The following MME variants were observed in gnomAD, a reference collection of about 807,000 sequenced individuals.
MME encodes membrane metalloendopeptidase.
A neutral mutation model predicts 113.2 loss-of-function variants in MME; 98 were observed. The observed-to-expected ratio is 0.87, with a 90% CI of 0.74 to 1.02. MME has a LOEUF of 1.02. Ranked by LOEUF, MME falls within the 50% of genes least tolerant of loss-of-function variation. The pLI, the probability that MME is intolerant of heterozygous loss-of-function variation, is 0.00. For synonymous variants in MME, 292 were observed against 300.6 expected (o/e 0.97, Z 0.30); for missense variants, 836 against 896.0 (o/e 0.93, Z 0.86).
rs1426669121 is a variant in MME, at chr3:155,144,428, G to A, written c.1387G>A (p.Ala463Thr). 1 of 1,612,612 alleles carries A rather than the reference G, an allele frequency of 6.2e-7. No homozygotes were observed. Among genetic ancestry groups the A allele is most frequent in the Non-Finnish European group, 8.5e-7 (1 of 1,178,992 alleles). Residue 463 changes from alanine (A) to threonine (T), a missense_variant, in exon 14 of 23, where the codon GCC becomes ACC. Ala to Thr is a moderately conservative substitution (Grantham distance 58). Transcript: ENST00000360490. ...TTTAGATGACCTCACTTGGATGGAT[G>A]CCGAGACAAAAAAGAGAGCTGAAGA... Reference protein sequence around the residue: ...QTLDDLTWMDAETKKRAEEKA... With the variant: ...QTLDDLTWMDTETKKRAEEKA...
upstream of MME, among the ~76,000 whole-genome samples, chr3:155,078,659 A>ATGTGTGTGTG (rs5853711): frequency 4.7e-4 from 67 of 141,916 alleles, no homozygotes; most frequent in South Asian, 9.2e-4. Context: ...ATGTGTGTGT[A>ATGTGTGTGTG]TGTGTGTGTG....
intron 22 of MME, among the ~76,000 whole-genome samples, chr3:155,177,249 C>T (rs1016448754): frequency 2.0e-5 from 3 of 152,152 alleles, no homozygotes; most frequent in South Asian, 4.1e-4. Context: ...AAACATGCAG[C>T]TCTTCCAGTC....
At chr3:155,140,543 A>G (rs1262865754) in intron 10 of MME, among the ~76,000 whole-genome samples, 3 of 150,856 alleles carry the variant, frequency 2.0e-5, no homozygotes, top group East Asian at 3.9e-4. Context: ...CAGCCTCCCA[A>G]GTAGCTGGGA....
At chr3:155,044,130 T>TC (rs1195479607) in intron 1 of MME, among the ~76,000 whole-genome samples, 210 of 140,412 alleles carry the variant, frequency 1.5e-3, no homozygotes, top group African/African-American at 5.5e-3. Context: ...TTTTTCTTTT[T>TC]TTTTTTTTTT....
At position 155,070,769 on chromosome 3, in the gene MME, A is replaced by G. The variant is rs140242385; in HGVS notation, c.-10-13389A>G. Among the ~76,000 whole-genome samples, 287 of 152,260 alleles carry G rather than the reference A, an allele frequency of 1.9e-3. 1 individual carries two copies. Among genetic ancestry groups the G allele is most frequent in the African/African-American group, 6.6e-3 (274 of 41,544 alleles). On this transcript the variant is annotated intron_variant, in intron 1 of 22. Transcript: ENST00000492661. ...CACTCAGGAGTTGCTTAGAAGACGC[A>G]TTTCTTCACCTTGCTTGTCCTAGTT...
At chr3:155,033,646 G>T (rs576851856) in intron 1 of MME, among the ~76,000 whole-genome samples, 1 of 152,204 alleles carries the variant, frequency 6.6e-6, no homozygotes, top group Non-Finnish European at 1.5e-5. Context: ...GCTAAACATT[G>T]CTTCCTATTT....
intron 8 of MME, among the ~76,000 whole-genome samples, chr3:155,133,062 A>AAAAATATATATATATATATAT: frequency 1.3e-5 from 1 of 75,082 alleles, no homozygotes; most frequent in African/African-American, 6.6e-5. Context: ...AAAAAAAAAA[A>AAAAATATATATATATATATAT]ATATATATAT....
intron 8 of MME, among the ~76,000 whole-genome samples, chr3:155,132,645 TGA>T (rs1226108114): frequency 7.2e-5 from 11 of 152,220 alleles, no homozygotes; most frequent in Non-Finnish European, 1.3e-4. Context: ...CTGTCAAAAA[TGA>T]GAGCTGACTC....
chr3:155,141,655 T>C (rs1041880001), intron 10 of MME, among the ~76,000 whole-genome samples: 7 of 152,168 alleles, frequency 4.6e-5, no homozygotes, highest in Non-Finnish European at 7.4e-5. Flanking sequence ...ATTTCCATTT[T>C]TGCATAAACC....
intron 12 of MME, 49 bp from the exon 13 acceptor site, chr3:155,143,394 C>T (rs765337575): frequency 9.4e-6 from 15 of 1,601,958 alleles, no homozygotes; most frequent in South Asian, 2.2e-5. Context: ...TTAACATGCT[C>T]CAGACCTTTC....
intron 1 of MME, among the ~76,000 whole-genome samples, chr3:155,073,071 C>T (rs1714633274): frequency 6.6e-6 from 1 of 152,134 alleles, no homozygotes; most frequent in South Asian, 2.1e-4. Flanking sequence ...CTACCGGTTT[C>T]CAACAAGGGC....
Position 155,085,046 on chromosome 3 carries a change from C to G in MME, c.161-13C>G. On this transcript the variant is annotated splice_polypyrimidine_tract_variant and intron_variant, in intron 2 of 22. Coordinates refer to ENST00000360490, the MANE Select transcript of MME (RefSeq NM_007289.4). The stretch of plus-strand genomic sequence containing the variant: ...TGTTGCCAATATTTATGTATATTCT[C>G]TCCTTTTTCTAGATGGTATTTGCAA... 6.4e-7 allele frequency: 1 copy of G among 1,572,218 alleles called. No individual in the cohort carries two copies. The highest frequency in any genetic ancestry group is 8.7e-7 in the Non-Finnish European group (1 of 1,149,062).
chr3:155,081,429 T>C (rs576549887), intron 1 of MME: 1 of 152,362 alleles, frequency 6.6e-6, no homozygotes, highest in South Asian at 2.1e-4. Context: ...GGTAATATTG[T>C]CGAGCTGAAG....
chr3:155,172,853 C>T lies in MME; in HGVS notation c.2153+241C>T, dbSNP rs1206284925. Among the ~76,000 whole-genome samples, 4 of 152,060 alleles carry T rather than the reference C, an allele frequency of 2.6e-5. No individual in the cohort carries two copies. In the South Asian group the frequency reaches 8.3e-4, roughly 32 times the overall value. On this transcript the variant is annotated intron_variant, in intron 22 of 22. Coordinates refer to ENST00000360490, the MANE Select transcript of MME (RefSeq NM_007289.4). ...ATAATTCCTTAGAATCTACGAGGCT[C>T]AGGGCTTGATCTATTCCAACAAAGA...
intron 1 of MME, among the ~76,000 whole-genome samples, chr3:155,041,944 ACT>A (rs1247809260): frequency 1.3e-5 from 2 of 152,078 alleles, no homozygotes; most frequent in African/African-American, 4.8e-5. Flanking sequence ...TGGGAAGAAA[ACT>A]CTAAATATTT....
At chr3:155,075,652 C>T (rs1559900813), upstream of MME, among the ~76,000 whole-genome samples, 1 of 152,046 alleles carries the variant, frequency 6.6e-6, no homozygotes. Flanking sequence ...TATAATTAAT[C>T]AATATCATTA....
chr3:155,125,444 CTTTTTT>C (rs1165027340), intron 8 of MME, among the ~76,000 whole-genome samples: 56 of 65,324 alleles, frequency 8.6e-4, no homozygotes, highest in African/African-American at 3.4e-3. Context: ...GCTCCTCCTC[CTTTTTT>C]TTTTTTTTTT....
At chr3:155,028,835 CT>C (rs1712872006) in intron 1 of MME, among the ~76,000 whole-genome samples, 1 of 152,050 alleles carries the variant, frequency 6.6e-6, no homozygotes, top group Non-Finnish European at 1.5e-5. Flanking sequence ...CTAGGGGTTT[CT>C]TTTTGTTACT....
At chr3:155,125,192 C>T (rs1346024036) in intron 8 of MME, among the ~76,000 whole-genome samples, 16 of 148,768 alleles carry the variant, frequency 1.1e-4, no homozygotes, top group East Asian at 2.0e-4. Context: ...CAGGTGCGTC[C>T]GTCACCCCTT....
Sources: gnomAD v4.1 joint callset for allele counts (sites outside exome capture counted in the v4.1 genomes callset) on GRCh38, gnomAD v4.1.1 for gene constraint, MANE v1.5 for transcripts, NCBI Gene and HGNC (gene_info 2026-07-23, HGNC 2026-07-21) for gene names.